The following DDC variants were observed in gnomAD, a reference collection of about 807,000 sequenced individuals.
DDC encodes aromatic-L-amino-acid decarboxylase.
A neutral mutation model predicts 60.0 loss-of-function variants in DDC; 43 were observed. That is an observed-to-expected ratio of 0.72 (90% confidence interval 0.56 to 0.92). The LOEUF is 0.92. Ranked by LOEUF, DDC falls within the 40% of genes least tolerant of loss-of-function variation. The pLI is 0.00. For synonymous variants in DDC, 232 were observed against 234.6 expected, an observed-to-expected ratio of 0.99 and a Z score of 0.10; for missense variants, 573 against 620.2, an observed-to-expected ratio of 0.92 and a Z score of 0.81.
intron 6 of DDC, among the ~76,000 whole-genome samples, chr7:50,510,753 G>A (rs1169759997): frequency 5.9e-5 from 9 of 151,310 alleles, no homozygotes; most frequent in Non-Finnish European, 1.0e-4. Context: ...AGGCCAAGGC[G>A]GGCGGATCAC....
At chr7:50,479,279 A>C (rs889721701) in intron 10 of DDC, among the ~76,000 whole-genome samples, 3 of 152,136 alleles carry the variant, frequency 2.0e-5, no homozygotes, top group Non-Finnish European at 4.4e-5. Flanking sequence ...AGGCACAGAG[A>C]GCAGGCCTAC....
chr7:50,553,484 CTTTTTT>C (rs5884158), intron 1 of DDC, among the ~76,000 whole-genome samples: 3 of 90,936 alleles, frequency 3.3e-5, no homozygotes, highest in African/African-American at 1.2e-4. Flanking sequence ...TCTTTCTTTT[CTTTTTT>C]TTTTTTTTTT....
At chr7:50,510,532 G>C (rs775499864) in intron 6 of DDC, among the ~76,000 whole-genome samples, 12 of 151,768 alleles carry the variant, frequency 7.9e-5, no homozygotes, top group Non-Finnish European at 1.3e-4. Context: ...AGCCAGGTGT[G>C]GTGGTGCACA....
At chr7:50,459,198 A>G (rs868474592) in intron 14 of DDC, among the ~76,000 whole-genome samples, 3 of 152,310 alleles carry the variant, frequency 2.0e-5, no homozygotes, top group Non-Finnish European at 2.9e-5. Flanking sequence ...ACTGCGAGTG[A>G]TCCGCCAGCC....
chr7:50,530,485 C>T (rs747368681), intron 4 of DDC, among the ~76,000 whole-genome samples: 1 of 152,164 alleles, frequency 6.6e-6, no homozygotes, highest in Non-Finnish European at 1.5e-5. Context: ...TGTTAGGGAA[C>T]CCCTGGCAAA....
At chr7:50,564,092 AC>A (rs1305305833) in intron 1 of DDC, 1 of 152,152 alleles carries the variant, frequency 6.6e-6, no homozygotes, top group Non-Finnish European at 1.5e-5. Context: ...GTCTCTTCAA[AC>A]TTATTTAGTA....
At chr7:50,472,031 T>G (rs553176155) in intron 11 of DDC, among the ~76,000 whole-genome samples, 1 of 152,264 alleles carries the variant, frequency 6.6e-6, no homozygotes, top group African/African-American at 2.4e-5. Context: ...ACAATCTAAT[T>G]GAATGCTCAC....
intron 1 of DDC, among the ~76,000 whole-genome samples, chr7:50,553,802 G>C (rs570689952): frequency 2.0e-4 from 31 of 152,116 alleles, no homozygotes; most frequent in African/African-American, 6.7e-4. Flanking sequence ...TTTCTTGATG[G>C]ACATTTTCTC....
intron 6 of DDC, among the ~76,000 whole-genome samples, chr7:50,521,298 A>T (rs1056652452): frequency 1.3e-5 from 2 of 152,156 alleles, no homozygotes; most frequent in South Asian, 4.1e-4. Flanking sequence ...TTAAAATTAG[A>T]TCAATAATTA....
At chr7:50,480,097 A>G in intron 9 of DDC, 1 of 559,820 alleles carries the variant, frequency 1.8e-6, no homozygotes. Context: ...AAAACCCTTG[A>G]GATCTCCTAG....
At chr7:50,557,429 C>T (rs1020105794) in intron 1 of DDC, among the ~76,000 whole-genome samples, 2 of 152,184 alleles carry the variant, frequency 1.3e-5, no homozygotes, top group Non-Finnish European at 2.9e-5. Flanking sequence ...AAAAAGAATG[C>T]CAAGGACATG....
At chr7:50,510,270 T>C (rs73121277) in intron 6 of DDC, among the ~76,000 whole-genome samples, 50,440 of 151,386 alleles carry the variant, frequency 0.33, 8,920 homozygotes, top group African/African-American at 0.42. Flanking sequence ...CCACCGCACC[T>C]GGCCACTTAT....
At chr7:50,552,420 T>C (rs2045030248) in intron 1 of DDC, among the ~76,000 whole-genome samples, 1 of 152,234 alleles carries the variant, frequency 6.6e-6, no homozygotes, top group South Asian at 2.1e-4. Flanking sequence ...CTATTCTCCA[T>C]GCAGCCCCTG....
intron 9 of DDC, among the ~76,000 whole-genome samples, chr7:50,492,430 G>T (rs2043016541): frequency 6.6e-6 from 1 of 152,158 alleles, no homozygotes; most frequent in Non-Finnish European, 1.5e-5. Context: ...TTTGACTCTT[G>T]TTCTGTCGAG....
At chr7:50,494,796 G>A (rs2043091206) in intron 9 of DDC, among the ~76,000 whole-genome samples, 1 of 151,882 alleles carries the variant, frequency 6.6e-6, no homozygotes, top group African/African-American at 2.4e-5. Context: ...TGAGTAGCTG[G>A]GATTACAGGC....
chr7:50,496,421 C>T (rs2043128433), intron 8 of DDC, among the ~76,000 whole-genome samples: 1 of 152,048 alleles, frequency 6.6e-6, no homozygotes, highest in Non-Finnish European at 1.5e-5. Context: ...CATTGTATTC[C>T]TAACAGCTAC....
intron 1 of DDC, among the ~76,000 whole-genome samples, chr7:50,558,206 T>A (rs1416410899): frequency 6.6e-6 from 1 of 152,154 alleles, no homozygotes; most frequent in East Asian, 1.9e-4. Flanking sequence ...CAATTCGAAT[T>A]ATGTTCTAGT....
At chr7:50,553,437 C>G (rs1292889837) in intron 1 of DDC, among the ~76,000 whole-genome samples, 2 of 151,910 alleles carry the variant, frequency 1.3e-5, no homozygotes, top group Non-Finnish European at 2.9e-5. Context: ...TGGCTGATTT[C>G]CCCCTGGATT....
chr7:50,467,420 G>A (rs2042423506), intron 12 of DDC, 105 bp from the exon 13 acceptor site: 7 of 950,958 alleles, frequency 7.4e-6, no homozygotes, highest in South Asian at 1.3e-5. Context: ...TCATTTAGAC[G>A]CTCTTGGCAA....
Sources: gnomAD v4.1 joint callset for allele counts (sites outside exome capture counted in the v4.1 genomes callset) on GRCh38, gnomAD v4.1.1 for gene constraint, MANE v1.5 for transcripts, NCBI Gene and HGNC (gene_info 2026-07-23, HGNC 2026-07-21) for gene names.